The following LRP2 variants were observed in gnomAD, a reference collection of about 807,000 sequenced individuals.
LRP2 encodes the protein LDL receptor related protein 2.
A neutral mutation model predicts 531.0 loss-of-function variants in LRP2; 172 were observed. The ratio of observed to expected loss-of-function variants is 0.32; its 90% confidence interval spans 0.29 to 0.37. The LOEUF is 0.37. Ranked by LOEUF, LRP2 falls within the 10% of genes least tolerant of loss-of-function variation. The pLI, the probability that LRP2 is intolerant of heterozygous loss-of-function variation, is 1.00. For missense variants in LRP2, 5,167 were observed against 5,868.3 expected (o/e 0.88, Z 3.90); for synonymous variants, 1,992 against 2,027.6 (o/e 0.98, Z 0.47).
Position 169,275,886 on chromosome 2 carries a change from C to T in LRP2, c.1773-648G>A, listed in dbSNP as rs146990493. ...AACAGAAGTAAAATTAGGCACTAAG[C>T]GAAGAGAGGAAATCAACAACGCCCC... is the stretch of plus-strand genomic sequence containing the variant. On this transcript the variant is annotated intron_variant, in intron 13 of 78. Coordinates refer to ENST00000649046, the MANE Select transcript of LRP2 (RefSeq NM_004525.3). 6.6e-3 allele frequency among the ~76,000 whole-genome samples: 1,000 copies of T among 151,896 alleles called. 12 individuals carry two copies. Among genetic ancestry groups the T allele is most frequent in the Middle Eastern group, 0.054 (16 of 294 alleles).
intron 19 of LRP2, 142 bp from the exon 20 acceptor site, chr2:169,247,657 C>A: frequency 1.1e-6 from 1 of 885,024 alleles, no homozygotes; most frequent in Non-Finnish European, 1.8e-6. Context: ...GTTTCTCTAA[C>A]CATTTTCCAC....
chr2:169,211,495 G>T (rs1241818513), intron 37 of LRP2, among the ~76,000 whole-genome samples: 2 of 152,170 alleles, frequency 1.3e-5, no homozygotes, highest in African/African-American at 2.4e-5. Flanking sequence ...AATCATATTT[G>T]TGGACTATTT....
chr2:169,339,056 G>A (rs771276783), intron 1 of LRP2, among the ~76,000 whole-genome samples: 2 of 151,268 alleles, frequency 1.3e-5, no homozygotes, highest in Non-Finnish European at 2.9e-5. Context: ...TTAGGCCAGT[G>A]TTTTCTGATC....
chr2:169,325,787 A>G (rs888998749), intron 1 of LRP2, among the ~76,000 whole-genome samples: 1 of 152,138 alleles, frequency 6.6e-6, no homozygotes, highest in Non-Finnish European at 1.5e-5. Context: ...AATAGGTGGC[A>G]GGAATTCTTT....
chr2:169,360,142 AAAAAAAGAG>A (rs750536862), intron 1 of LRP2, among the ~76,000 whole-genome samples: 6 of 132,684 alleles, frequency 4.5e-5, no homozygotes, highest in Non-Finnish European at 4.8e-5. Context: ...AAAAAAAAAA[AAAAAAAGAG>A]AGAGAGAGAG....
rs1688088411 is a variant in LRP2, at chr2:169,198,786, T to A, written c.8578A>T (p.Thr2860Ser). The A allele has an allele frequency of 6.2e-7, 1 of 1,613,578 alleles. No homozygotes were observed. Among genetic ancestry groups the A allele is most frequent in the Non-Finnish European group, 8.5e-7 (1 of 1,179,642 alleles). The change falls in exon 45 of 79, where the codon ACC becomes TCC. Residue 2860 changes from threonine (T) to serine (S), a missense_variant and splice_region_variant. By Grantham distance (58) the Thr-to-Ser change is moderately conservative (BLOSUM62 1). Coordinates refer to ENST00000649046, the MANE Select transcript of LRP2 (RefSeq NM_004525.3). ...AAGAAAGCAGTTTTATCTTACTCACTGCAATAAGTAGGGTTTTCATCACTG... is the reference window on the plus strand; with the variant it reads ...AAGAAAGCAGTTTTATCTTACTCACAGCAATAAGTAGGGTTTTCATCACTG... The part of the protein sequence containing the change: ...DNSDENPTYC[T>S]THTCSSSEFQ...
At chr2:169,218,578 A>T (rs1328586012) in intron 34 of LRP2, among the ~76,000 whole-genome samples, 1 of 152,052 alleles carries the variant, frequency 6.6e-6, no homozygotes, top group Non-Finnish European at 1.5e-5. Context: ...TGAACTCCCC[A>T]CCATGGCCCC....
In LRP2 at chr2:169,236,049, A is replaced by T; in HGVS notation, c.4711T>A (p.Ser1571Thr). Residue 1571 changes from serine to threonine, a missense_variant, in exon 29 of 79, where the codon TCT (serine) becomes ACT (threonine). Around this residue, in one of 6 missense-constraint regions of LRP2, gnomAD observed 2,811 missense variants for 3,058.0 expected, o/e 0.92. Transcript: ENST00000649046. ...ATGCGAGGGTGGTGGCCCCAGTCAG[A>T]CCAGAACAGTAGATGCTCACTGGGA... The part of the protein sequence containing the change: ...PRMNEHLLFW[S>T]DWGHHPRIER... The T allele has an allele frequency of 3.7e-6, 6 of 1,613,910 alleles. No individual in the cohort carries two copies. The highest frequency in any genetic ancestry group is 5.1e-6 in the Non-Finnish European group (6 of 1,179,874).
chr2:169,323,305 G>T (rs1418636204), intron 1 of LRP2, among the ~76,000 whole-genome samples: 3 of 152,090 alleles, frequency 2.0e-5, no homozygotes, highest in African/African-American at 7.2e-5. Context: ...AACGACTATT[G>T]TTTGGAAATA....
chr2:169,241,622 T>C (rs550386329), intron 24 of LRP2, among the ~76,000 whole-genome samples: 2 of 152,354 alleles, frequency 1.3e-5, no homozygotes, highest in African/African-American at 4.8e-5. Context: ...GATGAGTACC[T>C]GTGTCAAAAG....
chr2:169,225,363 C>A lies in LRP2; in HGVS notation c.5485G>T (p.Asp1829Tyr). 1 of 1,614,022 alleles carries A rather than the reference C, an allele frequency of 6.2e-7. No individual in the cohort carries two copies. Among genetic ancestry groups the A allele is most frequent in the Non-Finnish European group, 8.5e-7 (1 of 1,179,952 alleles). Residue 1829 changes from aspartate to tyrosine, a missense_variant, in exon 33 of 79, where the codon GAT becomes TAT. Coordinates refer to ENST00000649046, the MANE Select transcript of LRP2 (RefSeq NM_004525.3). ...GAATAAAGGTTTCTTGAAATCCAAT[C>A]TAAGGCCAGGTTCATAGAAGGCCCC... ...MVGPSMNLAL[D>Y]WISRNLYSTN...
At chr2:169,139,196 C>T (rs773732660) in intron 74 of LRP2, 55 bp downstream of exon 74, 220 of 1,612,256 alleles carry the variant, frequency 1.4e-4, no homozygotes, top group Admixed American at 4.0e-4. Context: ...CTTCACATGG[C>T]TTCATATGAA....
chr2:169,231,311 A>C (rs1689392131), intron 31 of LRP2, among the ~76,000 whole-genome samples: 1 of 100,686 alleles, frequency 9.9e-6, no homozygotes, highest in East Asian at 2.2e-4. Flanking sequence ...AAAAAAAAAG[A>C]AAGAAAGAAA....
intron 64 of LRP2, among the ~76,000 whole-genome samples, chr2:169,157,022 T>C (rs1686356169): frequency 6.6e-6 from 1 of 152,212 alleles, no homozygotes; most frequent in Admixed American, 6.5e-5. Flanking sequence ...GTTGGTTGTT[T>C]GACTTACAAT....
intron 50 of LRP2, among the ~76,000 whole-genome samples, chr2:169,185,255 C>A (rs1408535097): frequency 6.6e-6 from 1 of 152,178 alleles, no homozygotes; most frequent in Non-Finnish European, 1.5e-5. Flanking sequence ...TGGCCAGCAA[C>A]AGTGAACTCT....
chr2:169,157,632 G>A, intron 63 of LRP2, 130 bp from the exon 64 acceptor site: 1 of 979,300 alleles, frequency 1.0e-6, no homozygotes, highest in Non-Finnish European at 1.6e-6. Flanking sequence ...ATAAGCCTTG[G>A]AGAGGACAGA....
chr2:169,191,040 A>G (rs547232321), intron 48 of LRP2, among the ~76,000 whole-genome samples: 1 of 152,222 alleles, frequency 6.6e-6, no homozygotes, highest in African/African-American at 2.4e-5. Flanking sequence ...GCAGGCTGTG[A>G]GCCGAATCTG....
intron 1 of LRP2, among the ~76,000 whole-genome samples, chr2:169,334,652 C>A (rs565356669): frequency 1.3e-5 from 2 of 152,336 alleles, no homozygotes; most frequent in Non-Finnish European, 2.9e-5. Context: ...GTCCCTGTGT[C>A]ATTCCAAACT....
intron 59 of LRP2, 85 bp from the exon 60 acceptor site, chr2:169,169,903 C>A: frequency 1.1e-6 from 1 of 910,476 alleles, no homozygotes. Flanking sequence ...GTTACTCCAT[C>A]ACATTCCTAT....
Sources: allele counts gnomAD v4.1 joint callset (sites outside exome capture counted in the v4.1 genomes callset), GRCh38; gene constraint gnomAD v4.1.1; regional missense constraint gnomAD v4.1.1; transcripts MANE v1.5; gene names NCBI Gene and HGNC (gene_info 2026-07-23, HGNC 2026-07-21).